FHIT: variants seen among roughly 807,000 people sequenced by gnomAD.
The protein encoded by FHIT is fragile histidine triad diadenosine triphosphatase.
A neutral mutation model predicts 17.9 loss-of-function variants in FHIT; 19 were observed. That is an observed-to-expected ratio of 1.06 (90% confidence interval 0.74 to 1.56). The LOEUF (loss-of-function observed/expected upper bound fraction) is 1.56. FHIT is among the 40% of genes most tolerant of loss of function. FHIT has a pLI of 0.00. For missense variants in FHIT, 248 were observed against 189.2 expected, an observed-to-expected ratio of 1.31 and a Z score of -1.82; for synonymous variants, 81 against 69.7, an observed-to-expected ratio of 1.16 and a Z score of -0.81.
chr3:60,190,264 A>C (rs1245657282), intron 5 of FHIT, among the ~76,000 whole-genome samples: 1 of 152,128 alleles, frequency 6.6e-6, no homozygotes, highest in African/African-American at 2.4e-5. Context: ...CATAACAGTC[A>C]GAACTGCTTT....
chr3:61,241,073 G>C (rs1240627376), intron 1 of FHIT, among the ~76,000 whole-genome samples: 3 of 152,162 alleles, frequency 2.0e-5, no homozygotes, highest in African/African-American at 7.2e-5. Context: ...ACTTACACAA[G>C]TGGCTGTAAA....
At position 60,179,946 on chromosome 3, in the gene FHIT, T is replaced by C. The variant is rs546869892; in HGVS notation, c.104-165794A>G. ...ATTCAAGATGGAATCTGAATGACAATTCTAAATTCTCTGAGGAATTAGAGC... is the reference window on the plus strand; with the variant it reads ...ATTCAAGATGGAATCTGAATGACAACTCTAAATTCTCTGAGGAATTAGAGC... On this transcript the variant is annotated intron_variant, in intron 5 of 9. Transcript: ENST00000492590. Among the ~76,000 whole-genome samples the C allele has an allele frequency of 2.2e-3, 330 of 152,294 alleles. 1 individual carries two copies. The highest frequency in any genetic ancestry group is 7.6e-3 in the African/African-American group (318 of 41,572).
chr3:60,640,481 G>A lies in FHIT; in HGVS notation c.-17-103502C>T, dbSNP rs186498646. On this transcript the variant is annotated intron_variant, in intron 4 of 9. Coordinates refer to ENST00000492590, the MANE Select transcript of FHIT (RefSeq NM_002012.4). The stretch of plus-strand genomic sequence containing the variant: ...TTTCTGGGTACTAGTGCTAGTGAGT[G>A]GTATTTTCTACATCTTTGAGAAATA... Among the ~76,000 whole-genome samples, 661 of 152,148 alleles carry A rather than the reference G, an allele frequency of 4.3e-3. 4 individuals are homozygous for A. Among genetic ancestry groups the A allele is most frequent in the African/African-American group, 0.014 (583 of 41,526 alleles).
chr3:60,853,475 C>A (rs1313125311), intron 3 of FHIT, among the ~76,000 whole-genome samples: 4 of 151,992 alleles, frequency 2.6e-5, no homozygotes, highest in African/African-American at 7.3e-5. Context: ...AGCAGATGAC[C>A]TTCACGAGCA....
chr3:60,438,245 A>G (rs1280366226), intron 5 of FHIT, among the ~76,000 whole-genome samples: 2 of 152,036 alleles, frequency 1.3e-5, no homozygotes, highest in Non-Finnish European at 2.9e-5. Context: ...TGTGCTGATG[A>G]TAATAGTGAA....
chr3:60,215,145 G>C (rs1703640179), intron 5 of FHIT, among the ~76,000 whole-genome samples: 1 of 151,724 alleles, frequency 6.6e-6, no homozygotes, highest in African/African-American at 2.4e-5. Flanking sequence ...TAACAAGCCT[G>C]GATGCACACC....
chr3:61,108,603 A>G lies in FHIT; in HGVS notation c.-163-66504T>C, dbSNP rs184464437. Among the ~76,000 whole-genome samples the G allele has an allele frequency of 1.8e-3, 281 of 152,342 alleles. 1 individual carries two copies. The highest frequency in any genetic ancestry group is 3.2e-3 in the Non-Finnish European group (218 of 68,026). On this transcript the variant is annotated intron_variant, in intron 2 of 9. Coordinates refer to ENST00000492590, the MANE Select transcript of FHIT (RefSeq NM_002012.4). ...ATCTCCTAGAGCACTTGAGTTTTGTATCACATAATTCATCAAGGCCTTTAG... is the reference window on the plus strand; with the variant it reads ...ATCTCCTAGAGCACTTGAGTTTTGTGTCACATAATTCATCAAGGCCTTTAG...
At chr3:61,057,150 A>C (rs1197909125) in intron 2 of FHIT, among the ~76,000 whole-genome samples, 2 of 152,252 alleles carry the variant, frequency 1.3e-5, no homozygotes, top group African/African-American at 4.8e-5. Flanking sequence ...CTGTTTAAAC[A>C]AATAATATCA....
chr3:60,795,357 G>A lies in FHIT; in HGVS notation c.-18+26562C>T, dbSNP rs140583344. 3.3e-3 allele frequency among the ~76,000 whole-genome samples: 508 copies of A among 152,232 alleles called. 3 individuals carry two copies. Among genetic ancestry groups the A allele is most frequent in the African/African-American group, 0.011 (471 of 41,558 alleles). The stretch of plus-strand genomic sequence containing the variant: ...TTCAGATTTTTCCGATGTTATTAAA[G>A]TTCTCTTTCCTGTTGAATATGTTTG... On this transcript the variant is annotated intron_variant, in intron 4 of 9. Transcript: ENST00000492590.
chr3:60,134,179 A>C (rs187112704), intron 5 of FHIT, among the ~76,000 whole-genome samples: 1 of 152,220 alleles, frequency 6.6e-6, no homozygotes, highest in Non-Finnish European at 1.5e-5. Flanking sequence ...AAGTTTAAAC[A>C]TAAGTAATTG....
chr3:60,930,889 A>C (rs1459899065), intron 3 of FHIT, among the ~76,000 whole-genome samples: 1 of 152,248 alleles, frequency 6.6e-6, no homozygotes, highest in African/African-American at 2.4e-5. Flanking sequence ...ATTATGAATC[A>C]TGCTGCTATA....
At chr3:60,907,958 G>C (rs1706523218) in intron 3 of FHIT, among the ~76,000 whole-genome samples, 1 of 152,194 alleles carries the variant, frequency 6.6e-6, no homozygotes, top group Non-Finnish European at 1.5e-5. Context: ...AGTAAGTGGA[G>C]TAGCTGGAAT....
At chr3:59,994,462 G>A (rs995625843) in intron 7 of FHIT, among the ~76,000 whole-genome samples, 1 of 151,960 alleles carries the variant, frequency 6.6e-6, no homozygotes, top group Non-Finnish European at 1.5e-5. Context: ...AATTTGAAAA[G>A]GCAAAAAGAA....
At chr3:61,054,116 T>C (rs1299882303) in intron 2 of FHIT, among the ~76,000 whole-genome samples, 1 of 152,148 alleles carries the variant, frequency 6.6e-6, no homozygotes, top group African/African-American at 2.4e-5. Context: ...CCAAACTTCA[T>C]AAGAAATGAA....
chr3:61,038,279 C>T (rs1417130592), intron 3 of FHIT, among the ~76,000 whole-genome samples: 1 of 152,006 alleles, frequency 6.6e-6, no homozygotes, highest in Non-Finnish European at 1.5e-5. Flanking sequence ...AAAACATTTA[C>T]GTTAAATCAA....
At chr3:61,226,561 C>G (rs1021010517) in intron 1 of FHIT, among the ~76,000 whole-genome samples, 3 of 152,008 alleles carry the variant, frequency 2.0e-5, no homozygotes. Context: ...CAATGAGATA[C>G]AATCGTGATG....
At chr3:61,058,041 C>A (rs887055087) in intron 2 of FHIT, among the ~76,000 whole-genome samples, 1 of 151,792 alleles carries the variant, frequency 6.6e-6, no homozygotes, top group Non-Finnish European at 1.5e-5. Context: ...CTAGCAAGTT[C>A]TTTAATATCA....
chr3:61,245,429 G>A (rs1163688756), intron 1 of FHIT, among the ~76,000 whole-genome samples: 8 of 152,150 alleles, frequency 5.3e-5, no homozygotes, highest in Non-Finnish European at 1.2e-4. Context: ...TACATCATCT[G>A]TCACCTAGAC....
intron 1 of FHIT, among the ~76,000 whole-genome samples, chr3:61,231,277 A>G (rs901062640): frequency 1.3e-5 from 2 of 152,162 alleles, no homozygotes; most frequent in Non-Finnish European, 1.5e-5. Flanking sequence ...GGATCCCTTG[A>G]GTCCAGGCAT....
Sources: gnomAD v4.1 joint callset for allele counts (sites outside exome capture counted in the v4.1 genomes callset) on GRCh38, gnomAD v4.1.1 for gene constraint, MANE v1.5 for transcripts, NCBI Gene and HGNC (gene_info 2026-07-23, HGNC 2026-07-21) for gene names.